Variants in MACF1 observed in about 807,000 individuals in gnomAD.
The protein encoded by MACF1 is microtubule-actin cross-linking factor 1.
In MACF1, 193 loss-of-function variants were observed where a neutral mutation model predicts 854.8. That is an observed-to-expected ratio of 0.23 (90% CI 0.20 to 0.25). The LOEUF (loss-of-function observed/expected upper bound fraction) is 0.25. Among genes scored for constraint, MACF1 ranks in the 10% least tolerant of loss-of-function variants. MACF1 has a pLI of 1.00. For synonymous variants in MACF1, 3,185 were observed against 3,226.7 expected (o/e 0.99, Z 0.44); for missense variants, 7,722 against 8,929.1 (o/e 0.86, Z 5.45).
rs752853739 is a variant in MACF1, at chr1:39,447,751, G to A, written c.19821G>A (p.Gly6607=). The A allele has an allele frequency of 6.2e-7, 1 of 1,614,004 alleles. No homozygotes were observed. Among genetic ancestry groups the A allele is most frequent in the Admixed American group, 1.7e-5 (1 of 60,008 alleles). Residue 6607 remains glycine, a synonymous_variant, in exon 82 of 101, where the codon GGG becomes GGA. Coordinates refer to ENST00000564288, the MANE Select transcript of MACF1 (RefSeq NM_001394062.1). ...RDQIIELDQT[G]NQLKFLSQKQ... The stretch of plus-strand genomic sequence containing the variant: ...AGATCATTGAGCTGGATCAAACTGG[G>A]AATCAATTAAAGTTCCTTAGCCAAA...
intron 2 of MACF1, among the ~76,000 whole-genome samples, chr1:39,234,401 G>A (rs919685005): frequency 2.0e-5 from 3 of 150,788 alleles, no homozygotes; most frequent in Non-Finnish European, 3.0e-5. Context: ...CGGGCGGGGC[G>A]GCTGGCCGGG....
intron 2 of MACF1, among the ~76,000 whole-genome samples, chr1:39,148,714 T>G (rs1643514458): frequency 6.6e-6 from 1 of 152,198 alleles, no homozygotes; most frequent in African/African-American, 2.4e-5. Context: ...TTTTAGGTAA[T>G]TTTGCACTGT....
chr1:39,314,003 G>A lies in MACF1; in HGVS notation c.3271-1510G>A, dbSNP rs192644757. Among the ~76,000 whole-genome samples, 853 of 152,292 alleles carry A rather than the reference G, an allele frequency of 5.6e-3. 5 individuals are homozygous for A. Among genetic ancestry groups the A allele is most frequent in the Non-Finnish European group, 7.3e-3 (497 of 68,024 alleles). On this transcript the variant is annotated intron_variant, in intron 26 of 100. Transcript: ENST00000564288. ...CCTGGAAATCAACTGTTTCTCCAAG[G>A]AGTTCTGATTCTTTTGGGCAGAGAA...
At position 39,387,105 on chromosome 1, in the gene MACF1, G is replaced by A. The variant is rs1487784276; in HGVS notation, c.14345-82G>A. 3 of 1,483,106 alleles carry A rather than the reference G, an allele frequency of 2.0e-6. 1 individual carries two copies. Among genetic ancestry groups the A allele is most frequent in the South Asian group, 2.7e-5 (2 of 74,960 alleles). The allele number at this position is 1,483,106 out of a possible 1,614,324, so 91.9% of individuals were successfully genotyped here. A position where few individuals can be genotyped will look rare whatever the true frequency, so the allele number is the denominator to read the frequency against. On this transcript the variant is annotated intron_variant, in intron 57 of 100. Transcript: ENST00000564288. The stretch of plus-strand genomic sequence containing the variant: ...AGTAACATTAGTTCCCTTCCCCCAA[G>A]ATTAGACCGTATACTCTCAGCAAAC...
chr1:39,346,052 G>C (rs1476511973), intron 40 of MACF1, among the ~76,000 whole-genome samples: 1 of 144,094 alleles, frequency 6.9e-6, no homozygotes, highest in Non-Finnish European at 1.5e-5. Context: ...CTGGGCAACA[G>C]AGCAAGACTC....
At chr1:39,344,254 C>G (rs1021900695) in intron 40 of MACF1, among the ~76,000 whole-genome samples, 1 of 151,642 alleles carries the variant, frequency 6.6e-6, no homozygotes, top group South Asian at 2.1e-4. Flanking sequence ...ATGGTGAAAC[C>G]CCATCTCTAC....
At chr1:39,389,676 G>A (rs1641956822) in intron 58 of MACF1, among the ~76,000 whole-genome samples, 1 of 151,962 alleles carries the variant, frequency 6.6e-6, no homozygotes, top group Non-Finnish European at 1.5e-5. Context: ...TTTTCAAATT[G>A]AGGTATGAAA....
At chr1:39,339,148 G>C (rs1376026529) in intron 38 of MACF1, among the ~76,000 whole-genome samples, 1 of 152,094 alleles carries the variant, frequency 6.6e-6, no homozygotes, top group Non-Finnish European at 1.5e-5. Context: ...CAGCCACTCA[G>C]GAAGCTGAGG....
chr1:39,211,242 A>G (rs1228813326), intron 1 of MACF1, among the ~76,000 whole-genome samples: 1 of 152,114 alleles, frequency 6.6e-6, no homozygotes. Context: ...TTCTGGGATT[A>G]CATGCATGAG....
chr1:39,292,982 C>G, intron 17 of MACF1, 139 bp downstream of exon 17: 1 of 620,320 alleles, frequency 1.6e-6, no homozygotes, highest in South Asian at 2.3e-5. Context: ...TTACTATGCA[C>G]TTATTCATAT....
intron 62 of MACF1, 97 bp from the exon 63 acceptor site, chr1:39,427,860 TTTAA>T (rs1643774744): frequency 1.8e-6 from 2 of 1,094,294 alleles, no homozygotes; most frequent in African/African-American, 3.2e-5. Context: ...CGGTGAGTTT[TTTAA>T]TTGTTTAATT....
intron 6 of MACF1, chr1:39,269,282 G>A (rs1645273546): frequency 7.8e-7 from 1 of 1,289,776 alleles, no homozygotes; most frequent in South Asian, 1.2e-5. Flanking sequence ...TTCAGCGTGG[G>A]TTTCGGAGCT....
chr1:39,416,589 A>C (rs1237790930), intron 58 of MACF1, among the ~76,000 whole-genome samples: 1 of 152,238 alleles, frequency 6.6e-6, no homozygotes, highest in Non-Finnish European at 1.5e-5. Flanking sequence ...TCAAATCTGC[A>C]TAAAGGGGAA....
In MACF1 at chr1:39,084,490, G is replaced by A. The variant is rs1280004271; in HGVS notation, c.220+52G>A. 7.9e-6 allele frequency: 12 copies of A among 1,516,538 alleles called. No individual in the cohort carries two copies. The highest frequency in any genetic ancestry group is 1.2e-5 in the South Asian group (1 of 86,114). The allele number at this position is 1,516,538 out of a possible 1,614,324, so 93.9% of individuals were successfully genotyped here. A position where few individuals can be genotyped will look rare whatever the true frequency, so the allele number is the denominator to read the frequency against. On this transcript the variant is annotated intron_variant, in intron 2 of 93. Transcript: ENST00000361689. This position sits in a 1 kb window ranked among gnomAD's most constrained non-coding sequence, Gnocchi z 5.2. Reference sequence around the variant, plus strand: ...ACGCTGTGGGTGTGAGGGAGGAATGGGCCAGGGCACAGCAGCTGTGTGGGG... The same window carrying A: ...ACGCTGTGGGTGTGAGGGAGGAATGAGCCAGGGCACAGCAGCTGTGTGGGG...
At chr1:39,439,532 T>C in intron 72 of MACF1, 32 bp downstream of exon 72, 1 of 1,550,732 alleles carries the variant, frequency 6.4e-7, no homozygotes, top group Middle Eastern at 1.7e-4. Flanking sequence ...TTTTCTTAGG[T>C]GTCTGTCCTC....
Position 39,316,530 on chromosome 1 carries a change from G to A in MACF1, c.3588+1G>A. ...GGAGGCCCATTGGTCGACATTACGG[G>A]TGAGTTGCTCTGAGTTTCTTAGGAG... On this transcript the variant is annotated splice_donor_variant, in intron 28 of 100. Coordinates refer to ENST00000564288, the MANE Select transcript of MACF1 (RefSeq NM_001394062.1). LOFTEE classifies it high-confidence loss of function. The A allele has an allele frequency of 6.2e-7, 1 of 1,611,730 alleles. No homozygotes were observed. Among genetic ancestry groups the A allele is most frequent in the Non-Finnish European group, 8.5e-7 (1 of 1,178,558 alleles).
chr1:39,425,186 C>T (rs190047112), intron 61 of MACF1, among the ~76,000 whole-genome samples: 2 of 152,204 alleles, frequency 1.3e-5, no homozygotes, highest in East Asian at 3.9e-4. Context: ...GTGCCCACAT[C>T]GATCAGCATG....
At chr1:39,342,434 C>A (rs1411481122) in intron 40 of MACF1, among the ~76,000 whole-genome samples, 2 of 151,886 alleles carry the variant, frequency 1.3e-5, no homozygotes, top group Non-Finnish European at 2.9e-5. Flanking sequence ...ATAGCTAGGT[C>A]AAATGGTAAT....
intron 2 of MACF1, among the ~76,000 whole-genome samples, chr1:39,189,085 C>T (rs1196947277): frequency 6.6e-6 from 1 of 152,218 alleles, no homozygotes; most frequent in Non-Finnish European, 1.5e-5. Context: ...AGACACCTGG[C>T]TCCTGACCTC....
Sources: allele counts gnomAD v4.1 joint callset (sites outside exome capture counted in the v4.1 genomes callset), GRCh38; gene constraint gnomAD v4.1.1; non-coding constraint Gnocchi (gnomAD v3.1); transcripts MANE v1.5; gene names NCBI Gene and HGNC (gene_info 2026-07-23, HGNC 2026-07-21).